Variants in IGF1 observed in about 807,000 individuals in gnomAD.
The protein encoded by IGF1 is insulin like growth factor 1.
In IGF1, 4 loss-of-function variants were observed where a neutral mutation model predicts 13.8. That is an observed-to-expected ratio of 0.29 (90% CI 0.14 to 0.66). IGF1 has a LOEUF of 0.66. Among genes scored for constraint, IGF1 ranks in the 30% least tolerant of loss-of-function variants. The pLI, the probability that IGF1 is intolerant of heterozygous loss-of-function variation, is 0.78. For synonymous variants in IGF1, 76 were observed against 72.6 expected (o/e 1.05, Z -0.23); for missense variants, 124 against 188.5 (o/e 0.66, Z 2.00).
At chr12:102,462,758 T>G (rs1049504221) in intron 2 of IGF1, 21 of 152,202 alleles carry the variant, frequency 1.4e-4, no homozygotes, top group African/African-American at 5.1e-4. Flanking sequence ...AGAAGGAATC[T>G]TTGGAGAGCC....
intron 2 of IGF1, among the ~76,000 whole-genome samples, chr12:102,436,075 A>G (rs1877199629): frequency 6.6e-6 from 1 of 152,268 alleles, no homozygotes; most frequent in Non-Finnish European, 1.5e-5. Context: ...TAATAAAGGT[A>G]TCTATATGTC....
At chr12:102,424,389 A>G (rs1035930678) in intron 2 of IGF1, among the ~76,000 whole-genome samples, 7 of 152,312 alleles carry the variant, frequency 4.6e-5, no homozygotes, top group Admixed American at 3.9e-4. Flanking sequence ...TTTCACTTAG[A>G]TTAACTAAGG....
At chr12:102,441,944 T>TCC (rs1877849276) in intron 2 of IGF1, among the ~76,000 whole-genome samples, 1 of 139,618 alleles carries the variant, frequency 7.2e-6, no homozygotes, top group Admixed American at 7.8e-5. Flanking sequence ...CTTCTTCTTC[T>TCC]TCTTCTTCTT....
intron 2 of IGF1, among the ~76,000 whole-genome samples, chr12:102,431,760 C>A (rs1287553054): frequency 4.6e-5 from 7 of 152,224 alleles, no homozygotes; most frequent in South Asian, 2.1e-4. Flanking sequence ...GACCCACTAA[C>A]CCCAGGATTT....
chr12:102,473,341 G>A (rs1219679569), intron 2 of IGF1, among the ~76,000 whole-genome samples: 1 of 152,030 alleles, frequency 6.6e-6, no homozygotes. Context: ...TTCATTTCTA[G>A]GCATCTCATT....
intron 1 of IGF1, among the ~76,000 whole-genome samples, chr12:102,477,075 AT>A (rs757153450): frequency 1.1e-4 from 16 of 151,766 alleles, no homozygotes; most frequent in South Asian, 2.1e-4. Flanking sequence ...TAAGAAGAGC[AT>A]TTTTTTTGAA....
At position 102,452,261 on chromosome 12, in the gene IGF1, CAAAAAAAAAAAAA is replaced by C. The variant is rs538007224; in HGVS notation, c.220+23369_220+23381del. Among the ~76,000 whole-genome samples the C allele has an allele frequency of 2.1e-4, 9 of 42,176 alleles. No individual in the cohort carries two copies. The South Asian group carries it at 4.4e-3, about 21-fold the overall frequency. The allele number at this position is 42,176 out of a possible 152,430, so 27.7% of individuals were successfully genotyped here. A position where few individuals can be genotyped will look rare whatever the true frequency, so the allele number is the denominator to read the frequency against. ...TGGGCGACAGAGCGAGACTCCGTCT[CAAAAAAAAAAAAA>C]AAAAAAAAAAAAAAAAGATATGTCT... On this transcript the variant is annotated intron_variant, in intron 2 of 3. Transcript: ENST00000337514.
At chr12:102,415,783 T>G (rs897526999) in intron 3 of IGF1, 1 of 152,200 alleles carries the variant, frequency 6.6e-6, no homozygotes, top group African/African-American at 2.4e-5. Context: ...TATGCTACTC[T>G]AAGGTGATGG....
chr12:102,413,429 T>C (rs1468956364), intron 3 of IGF1, among the ~76,000 whole-genome samples: 1 of 152,022 alleles, frequency 6.6e-6, no homozygotes, highest in African/African-American at 2.4e-5. Context: ...GGGAGGGAGG[T>C]CGTCAAGGGA....
intron 2 of IGF1, among the ~76,000 whole-genome samples, chr12:102,428,742 T>C (rs1379591208): frequency 6.6e-6 from 1 of 152,218 alleles, no homozygotes; most frequent in East Asian, 1.9e-4. Context: ...GTTAATATTG[T>C]TGACAAGATT....
At chr12:102,410,266 C>T (rs1874519738) in intron 3 of IGF1, among the ~76,000 whole-genome samples, 1 of 152,140 alleles carries the variant, frequency 6.6e-6, no homozygotes, top group Non-Finnish European at 1.5e-5. Flanking sequence ...CTTTAATAGT[C>T]ATGAAGGATG....
intron 1 of IGF1, 28 bp downstream of exon 1, chr12:102,480,291 A>G (rs375444124): frequency 1.1e-5 from 17 of 1,601,488 alleles, no homozygotes; most frequent in African/African-American, 4.0e-5. Flanking sequence ...GAATTCCCCA[A>G]TGACTTCAAA....
chr12:102,406,921 C>T (rs369753694), intron 3 of IGF1, among the ~76,000 whole-genome samples: 65 of 151,874 alleles, frequency 4.3e-4, no homozygotes, highest in Admixed American at 2.4e-3. Context: ...GGTGAAACCC[C>T]GTCTCTACTA....
At chr12:102,442,878 A>G (rs1291421913) in intron 2 of IGF1, among the ~76,000 whole-genome samples, 1 of 152,124 alleles carries the variant, frequency 6.6e-6, no homozygotes, top group African/African-American at 2.4e-5. Context: ...AGTATCTACC[A>G]TATATGCCAG....
chr12:102,433,357 C>A (rs72554694), intron 2 of IGF1, among the ~76,000 whole-genome samples: 1 of 152,154 alleles, frequency 6.6e-6, no homozygotes, highest in East Asian at 1.9e-4. Context: ...ATCAGGGTAA[C>A]TGTAACAAAC....
chr12:102,399,039 GTTTGTTTT>G lies in IGF1; in HGVS notation c.*3460_*3467del, dbSNP rs1873460984. ...GGGTGGACAGGCTTTTTGTTTGTTT[GTTTGTTTT>G]TTAATAAAATTTTCAAGGAAGTGAT... On this transcript the variant is annotated 3_prime_UTR_variant, in exon 4 of 4. Coordinates refer to ENST00000337514, the MANE Select transcript of IGF1 (RefSeq NM_000618.5). 3.3e-5 allele frequency: 5 copies of G among 150,976 alleles called. No homozygotes were observed. The highest frequency in any genetic ancestry group is 3.3e-4 in the Admixed American group (5 of 15,112). The allele number at this position is 150,976 out of a possible 1,614,324, so 9.4% of individuals were successfully genotyped here. A position where few individuals can be genotyped will look rare whatever the true frequency, so the allele number is the denominator to read the frequency against.
chr12:102,455,187 C>T (rs998494964), intron 2 of IGF1, among the ~76,000 whole-genome samples: 3 of 152,206 alleles, frequency 2.0e-5, no homozygotes, highest in Non-Finnish European at 4.4e-5. Context: ...ATGATCCTGC[C>T]TAGAACTTCT....
At chr12:102,438,562 C>A (rs552091583) in intron 2 of IGF1, among the ~76,000 whole-genome samples, 13 of 152,272 alleles carry the variant, frequency 8.5e-5, no homozygotes, top group African/African-American at 3.1e-4. Context: ...AATAGACCAC[C>A]GGACTCTCAT....
chr12:102,413,959 C>CT (rs1874869155), intron 3 of IGF1, among the ~76,000 whole-genome samples: 2 of 152,300 alleles, frequency 1.3e-5, no homozygotes, highest in South Asian at 4.1e-4. Context: ...TGAAACTCTA[C>CT]TACCACATCA....
Sources: gnomAD v4.1 joint callset for allele counts (sites outside exome capture counted in the v4.1 genomes callset) on GRCh38, gnomAD v4.1.1 for gene constraint, MANE v1.5 for transcripts, NCBI Gene and HGNC (gene_info 2026-07-23, HGNC 2026-07-21) for gene names.